FHIP1A: variants seen among roughly 807,000 people sequenced by gnomAD.
FHIP1A encodes the protein FHF complex subunit HOOK interacting protein 1A, also known as FHF complex subunit HOOK-interacting protein 1A.
FHIP1A carries 61 observed loss-of-function variants against 88.6 expected under a neutral mutation model. The ratio of observed to expected loss-of-function variants is 0.69; its 90% CI spans 0.56 to 0.85. The LOEUF is 0.85. Among genes scored for constraint, FHIP1A ranks in the 40% least tolerant of loss-of-function variants. The pLI, the probability that FHIP1A is intolerant of heterozygous loss-of-function variation, is 0.00. For missense variants in FHIP1A, 1,154 were observed against 1,273.5 expected, an observed-to-expected ratio of 0.91 and a Z score of 1.43; for synonymous variants, 478 against 496.0, an observed-to-expected ratio of 0.96 and a Z score of 0.48.
At chr4:151,658,971 A>G (rs1403595663) in intron 13 of FHIP1A, among the ~76,000 whole-genome samples, 1 of 152,172 alleles carries the variant, frequency 6.6e-6, no homozygotes, top group Non-Finnish European at 1.5e-5. Context: ...GGTGCACTAG[A>G]TACTCAGGGT....
At chr4:151,418,485 C>T (rs1732985535) in intron 1 of FHIP1A, among the ~76,000 whole-genome samples, 4 of 152,084 alleles carry the variant, frequency 2.6e-5, no homozygotes, top group Admixed American at 2.6e-4. Context: ...TTGATTATGT[C>T]TTAGGATTGG....
rs745811830 is a variant in FHIP1A at position 151,586,630 on chromosome 4, T to A, written c.733-11T>A. The stretch of plus-strand genomic sequence containing the variant: ...GAAAAGCATTTATTTTGTTTTTATT[T>A]CTGAACACAGGTACTTGCAACTGGG... On this transcript the variant is annotated splice_polypyrimidine_tract_variant and intron_variant, in intron 5 of 13. Coordinates refer to ENST00000435205, the MANE Select transcript of FHIP1A (RefSeq NM_001109977.3). 125 of 1,532,018 alleles carry A rather than the reference T, an allele frequency of 8.2e-5. No homozygotes were observed. The highest frequency in any genetic ancestry group is 1.1e-4 in the Non-Finnish European group (122 of 1,132,026). The allele number at this position is 1,532,018 out of a possible 1,614,324, so 94.9% of individuals were successfully genotyped here. A position where few individuals can be genotyped will look rare whatever the true frequency, so the allele number is the denominator to read the frequency against.
intron 1 of FHIP1A, among the ~76,000 whole-genome samples, chr4:151,422,451 G>A (rs999198958): frequency 2.6e-5 from 4 of 152,144 alleles, no homozygotes; most frequent in South Asian, 4.2e-4. Context: ...CAGTGGTGCA[G>A]TCTCAGCCCA....
chr4:151,614,867 A>G (rs1054993553), intron 7 of FHIP1A, among the ~76,000 whole-genome samples: 1 of 152,328 alleles, frequency 6.6e-6, no homozygotes, highest in African/African-American at 2.4e-5. Flanking sequence ...TGTCCCAGTG[A>G]CAGTAGGAAA....
Position 151,665,761 on chromosome 4 carries a change from G to T in FHIP1A, c.*3007G>T, listed in dbSNP as rs551412383. 8.5e-5 allele frequency among the ~76,000 whole-genome samples: 13 copies of T among 152,300 alleles called. No individual in the cohort carries two copies. Among genetic ancestry groups the T allele is most frequent in the East Asian group, 7.7e-4 (4 of 5,186 alleles). ...GAATATTCTGGTCCTAAAGTAAATC[G>T]GCAAGCCCTTAGAAATATCTTTTTT... On this transcript the variant is annotated 3_prime_UTR_variant, in exon 14 of 14. Transcript: ENST00000435205.
intron 3 of FHIP1A, among the ~76,000 whole-genome samples, chr4:151,546,040 G>A (rs1360882182): frequency 6.6e-6 from 1 of 152,176 alleles, no homozygotes; most frequent in African/African-American, 2.4e-5. Flanking sequence ...ATCAGTATGT[G>A]GGTGGGTGGG....
At chr4:151,480,481 G>A (rs1051812852) in intron 2 of FHIP1A, among the ~76,000 whole-genome samples, 1 of 152,010 alleles carries the variant, frequency 6.6e-6, no homozygotes. Flanking sequence ...GCAGCAATCT[G>A]TAATTCTTAA....
intron 1 of FHIP1A, among the ~76,000 whole-genome samples, chr4:151,426,301 T>C (rs146357648): frequency 1.3e-5 from 2 of 152,174 alleles, no homozygotes; most frequent in South Asian, 2.1e-4. Flanking sequence ...TCATTTCCTC[T>C]CAGAACCTAG....
chr4:151,556,510 T>C (rs1187735712), intron 3 of FHIP1A, among the ~76,000 whole-genome samples: 1 of 152,210 alleles, frequency 6.6e-6, no homozygotes, highest in African/African-American at 2.4e-5. Context: ...GGCTTACCTG[T>C]ATTACATTCC....
chr4:151,625,945 A>G (rs1735936003), intron 7 of FHIP1A, among the ~76,000 whole-genome samples: 1 of 152,194 alleles, frequency 6.6e-6, no homozygotes. Context: ...ACTGGCGATG[A>G]GAACTGGTGG....
chr4:151,637,655 G>A (rs548696612), intron 8 of FHIP1A, among the ~76,000 whole-genome samples: 3 of 152,276 alleles, frequency 2.0e-5, no homozygotes, highest in African/African-American at 7.2e-5. Context: ...TAAGGGAGGC[G>A]ATGCCTAAGC....
chr4:151,642,054 C>G (rs1736607796), intron 9 of FHIP1A, among the ~76,000 whole-genome samples: 1 of 152,178 alleles, frequency 6.6e-6, no homozygotes. Context: ...TAGTTTCTTT[C>G]ATTTGGTGAA....
intron 2 of FHIP1A, among the ~76,000 whole-genome samples, chr4:151,476,301 C>G (rs2126626925): frequency 6.6e-6 from 1 of 151,916 alleles, no homozygotes; most frequent in South Asian, 2.1e-4. Context: ...ACCACCATGC[C>G]TGGCTAATTT....
At chr4:151,611,896 C>T (rs1735337027) in intron 7 of FHIP1A, among the ~76,000 whole-genome samples, 1 of 152,156 alleles carries the variant, frequency 6.6e-6, no homozygotes, top group African/African-American at 2.4e-5. Context: ...AAAAACTTCA[C>T]AGATTAGATG....
At chr4:151,631,019 A>G (rs1178607172) in intron 8 of FHIP1A, among the ~76,000 whole-genome samples, 2 of 152,202 alleles carry the variant, frequency 1.3e-5, no homozygotes, top group Non-Finnish European at 2.9e-5. Context: ...TTAAAGGGAA[A>G]TATATAGTTG....
At chr4:151,581,097 G>C (rs1310719458) in intron 5 of FHIP1A, among the ~76,000 whole-genome samples, 4 of 152,116 alleles carry the variant, frequency 2.6e-5, no homozygotes, top group African/African-American at 4.8e-5. Flanking sequence ...AACCTCAAGT[G>C]ATCTGCCCGC....
rs191495133 is a variant in FHIP1A at position 151,655,751 on chromosome 4, C to T, written c.2552-481C>T. ...TGCTATTTGATAAACATAGTTTGTG[C>T]GTTTTTGGTGTTCTTTACAGAGAAT... On this transcript the variant is annotated intron_variant, in intron 11 of 13. Coordinates refer to ENST00000435205, the MANE Select transcript of FHIP1A (RefSeq NM_001109977.3). Among the ~76,000 whole-genome samples the T allele has an allele frequency of 4.9e-4, 74 of 152,044 alleles. 1 individual carries two copies. Among genetic ancestry groups the T allele is most frequent in the African/African-American group, 1.6e-3 (68 of 41,462 alleles).
chr4:151,473,148 C>A (rs980202733), intron 2 of FHIP1A, among the ~76,000 whole-genome samples: 2 of 151,986 alleles, frequency 1.3e-5, no homozygotes, highest in African/African-American at 4.8e-5. Context: ...AGTGCCTTTT[C>A]CTTTTATACT....
At chr4:151,416,481 C>A (rs1464427859) in intron 1 of FHIP1A, among the ~76,000 whole-genome samples, 2 of 151,992 alleles carry the variant, frequency 1.3e-5, no homozygotes, top group Admixed American at 1.3e-4. Context: ...CACATACATA[C>A]CCCCTATATT....
Sources: allele counts gnomAD v4.1 joint callset (sites outside exome capture counted in the v4.1 genomes callset), GRCh38; gene constraint gnomAD v4.1.1; transcripts MANE v1.5; gene names NCBI Gene and HGNC (gene_info 2026-07-23, HGNC 2026-07-21).